APOD: variants seen among roughly 807,000 people sequenced by gnomAD.
APOD encodes the protein apo-D.
A neutral mutation model predicts 20.4 loss-of-function variants in APOD; 22 were observed. The ratio of observed to expected loss-of-function variants is 1.08; its 90% confidence interval spans 0.77 to 1.54. APOD has a LOEUF of 1.54. Among genes scored for constraint, APOD ranks in the 40% most tolerant of loss-of-function variants. The pLI is 0.00. For missense variants in APOD, 223 were observed against 229.6 expected (o/e 0.97, Z 0.19); for synonymous variants, 97 against 92.4 (o/e 1.05, Z -0.29).
intron 1 of APOD, among the ~76,000 whole-genome samples, chr3:195,580,017 T>C (rs756246738): frequency 1.3e-5 from 2 of 152,164 alleles, no homozygotes; most frequent in Non-Finnish European, 2.9e-5. Context: ...GCCCTCGTCT[T>C]GCTGGCTGTT....
rs191080620 is a variant in APOD at position 195,579,329 on chromosome 3, C to T, written c.123+10G>A. ...GAGGCAGCAAAACAAACGGGAGGTT[C>T]GCCTTTTACCTTATTCACGTCAAAA... On this transcript the variant is annotated intron_variant, in intron 2 of 4. Coordinates refer to ENST00000343267, the MANE Select transcript of APOD (RefSeq NM_001647.4). 3.1e-6 allele frequency: 5 copies of T among 1,613,938 alleles called. No individual in the cohort carries two copies. In the African/African-American group the frequency reaches 5.3e-5, roughly 17 times the overall value.
At chr3:195,572,973 C>T (rs535269180) in intron 3 of APOD, among the ~76,000 whole-genome samples, 2 of 152,174 alleles carry the variant, frequency 1.3e-5, no homozygotes, top group South Asian at 2.1e-4. Flanking sequence ...TCTGATGTTC[C>T]CAAGTACTTT....
At chr3:195,574,800 C>A (rs1348932932) in intron 2 of APOD, among the ~76,000 whole-genome samples, 1 of 152,140 alleles carries the variant, frequency 6.6e-6, no homozygotes, top group African/African-American at 2.4e-5. Flanking sequence ...TAAACGATGG[C>A]ATATCCAGAC....
chr3:195,579,596 T>C (rs1471464031), intron 1 of APOD, 101 bp from the exon 2 acceptor site: 1 of 1,251,058 alleles, frequency 8.0e-7, no homozygotes, highest in Non-Finnish European at 1.1e-6. Context: ...CTGTGGGCGG[T>C]CCCTCCTCTT....
Position 195,579,323 on chromosome 3 carries a change from G to A in APOD, c.123+16C>T, listed in dbSNP as rs1277542732. 1 of 1,613,956 alleles carries A rather than the reference G, an allele frequency of 6.2e-7. No homozygotes were observed. The highest frequency in any genetic ancestry group is 1.1e-5 in the South Asian group (1 of 91,062). ...ACAGCGGAGGCAGCAAAACAAACGGGAGGTTCGCCTTTTACCTTATTCACG... is the reference window on the plus strand; with the variant it reads ...ACAGCGGAGGCAGCAAAACAAACGGAAGGTTCGCCTTTTACCTTATTCACG... On this transcript the variant is annotated intron_variant, in intron 2 of 4. Transcript: ENST00000343267.
chr3:195,582,382 C>G (rs1162229556), intron 1 of APOD, among the ~76,000 whole-genome samples: 1 of 152,192 alleles, frequency 6.6e-6, no homozygotes, highest in African/African-American at 2.4e-5. Context: ...GCATCTTCTT[C>G]TGATATCAAT....
intron 4 of APOD, among the ~76,000 whole-genome samples, chr3:195,569,862 C>T (rs921640477): frequency 7.4e-6 from 1 of 134,968 alleles, no homozygotes; most frequent in African/African-American, 2.9e-5. Context: ...TGCAATGGCG[C>T]GATCTCAGCT....
At chr3:195,573,413 A>G (rs1464504) in intron 3 of APOD, among the ~76,000 whole-genome samples, 107,086 of 152,102 alleles carry the variant, frequency 0.7, 38,084 homozygotes, top group African/African-American at 0.73. Context: ...TTCTTGCTTA[A>G]TAAGAAAAGG....
At position 195,571,375 on chromosome 3, in the gene APOD, G is replaced by C; in HGVS notation, c.246-10C>G. 6.4e-7 allele frequency: 1 copy of C among 1,553,094 alleles called. No homozygotes were observed. Among genetic ancestry groups the C allele is most frequent in the South Asian group, 1.2e-5 (1 of 86,272 alleles). On this transcript the variant is annotated splice_polypyrimidine_tract_variant and intron_variant, in intron 3 of 4. Coordinates refer to ENST00000343267, the MANE Select transcript of APOD (RefSeq NM_001647.4). ...CACAGTTCCATCAGCTCTGCAGTGA[G>C]TTAAAAAAAGAAAAAATACAAAAAA...
intron 4 of APOD, among the ~76,000 whole-genome samples, chr3:195,569,839 G>T (rs184249452): frequency 2.7e-5 from 3 of 111,842 alleles, no homozygotes; most frequent in Admixed American, 2.7e-4. Flanking sequence ...CACTCTTGTC[G>T]CCCAGGCTGG....
At chr3:195,577,852 G>T (rs1271487452) in intron 2 of APOD, among the ~76,000 whole-genome samples, 1 of 152,190 alleles carries the variant, frequency 6.6e-6, no homozygotes, top group Non-Finnish European at 1.5e-5. Context: ...TGCAGAATAG[G>T]CAAATTCGGA....
rs146246326 is a variant in APOD at position 195,571,307 on chromosome 3, G to C, written c.304C>G (p.Pro102Ala). The C allele has an allele frequency of 2.8e-4, 452 of 1,614,100 alleles. 3 individuals are homozygous for C. The highest frequency in any genetic ancestry group is 2.5e-3 in the Middle Eastern group (15 of 6,058). The change falls in exon 4 of 5, where the codon CCT (proline) becomes GCT (alanine). Residue 102 changes from proline to alanine, a missense_variant. By Grantham distance (27) the Pro-to-Ala change is conservative. Transcript: ENST00000343267. Reference protein sequence around the residue: ...GEATPVNLTEPAKLEVKFSWF... With the variant: ...GEATPVNLTEAAKLEVKFSWF... ...GAAAACTTAACTTCCAGCTTGGCAGGCTCTGTGAGGTTAACTGGGGTGGCT... is the reference window on the plus strand; with the variant it reads ...GAAAACTTAACTTCCAGCTTGGCAGCCTCTGTGAGGTTAACTGGGGTGGCT...
At chr3:195,572,857 A>G (rs1720189078) in intron 3 of APOD, among the ~76,000 whole-genome samples, 1 of 151,694 alleles carries the variant, frequency 6.6e-6, no homozygotes, top group African/African-American at 2.4e-5. Context: ...CTAAAATACA[A>G]TTAAAAAAAA....
At position 195,574,949 on chromosome 3, in the gene APOD, T is replaced by A. The variant is rs368798714; in HGVS notation, c.124-978A>T. 4.6e-5 allele frequency among the ~76,000 whole-genome samples: 7 copies of A among 152,320 alleles called. No homozygotes were observed. In the East Asian group the frequency reaches 9.6e-4, roughly 21 times the overall value. ...ATGGAGAAAATGTTTATTACGTTGG[T>A]TTTCTGTTGCTGCTATAATAAATTA... On this transcript the variant is annotated intron_variant, in intron 2 of 4. Transcript: ENST00000343267.
At chr3:195,579,221 A>C in intron 2 of APOD, 118 bp downstream of exon 2, 1 of 1,480,668 alleles carries the variant, frequency 6.8e-7, no homozygotes, top group Non-Finnish European at 9.1e-7. Flanking sequence ...ACCCCAAATA[A>C]GATAAATACT....
chr3:195,579,398 C>T lies in APOD; in HGVS notation c.64G>A (p.Ala22Thr), dbSNP rs150194441. 5 of 1,614,068 alleles carry T rather than the reference C, an allele frequency of 3.1e-6. No homozygotes were observed. The African/African-American group carries it at 6.7e-5, about 22-fold the overall frequency. ...TTGGGGCACTTCCCAAGATGAAATGCTTGTCCCTCTGCCGCACCGAAGAGG... is the reference window on the plus strand; with the variant it reads ...TTGGGGCACTTCCCAAGATGAAATGTTTGTCCCTCTGCCGCACCGAAGAGG... ...AGLFGAAEGQ[A>T]FHLGKCPNPP... The change falls in exon 2 of 5, where the codon GCA becomes ACA. Residue 22 changes from alanine (A) to threonine (T), a missense_variant. By Grantham distance (58) the Ala-to-Thr change is moderately conservative. Transcript: ENST00000343267.
In APOD at chr3:195,569,097, A is replaced by C; in HGVS notation, c.373T>G (p.Tyr125Asp). 1 of 1,614,200 alleles carries C rather than the reference A, an allele frequency of 6.2e-7. No homozygotes were observed. The highest frequency in any genetic ancestry group is 1.7e-5 in the Admixed American group (1 of 60,030). Residue 125 changes from tyrosine to aspartate, a missense_variant, in exon 5 of 5, where the codon TAT becomes GAT. Coordinates refer to ENST00000343267, the MANE Select transcript of APOD (RefSeq NM_001647.4). ...SAPYWILATD[Y>D]ENYALVYSCT... ...GAATACACGAGGGCATAGTTCTCAT[A>C]GTCGGTGGCCAGGATCCAGTACGGT...
In APOD at chr3:195,568,770, G is replaced by C. The variant is rs778372877; in HGVS notation, c.*130C>G. ...ATTTTGCAGCTAGCAAGGTAACAGG[G>C]TAGGGCATGGTTACATGTTCAGGTC... On this transcript the variant is annotated 3_prime_UTR_variant, in exon 5 of 5. Coordinates refer to ENST00000343267, the MANE Select transcript of APOD (RefSeq NM_001647.4). 6 of 692,848 alleles carry C rather than the reference G, an allele frequency of 8.7e-6. No homozygotes were observed. Among genetic ancestry groups the C allele is most frequent in the African/African-American group, 3.7e-5 (2 of 54,610 alleles). The allele number at this position is 692,848 out of a possible 1,614,324, so 42.9% of individuals were successfully genotyped here. A position where few individuals can be genotyped will look rare whatever the true frequency, so the allele number is the denominator to read the frequency against.
chr3:195,578,888 C>T (rs1268363630), intron 2 of APOD, among the ~76,000 whole-genome samples: 3 of 152,204 alleles, frequency 2.0e-5, no homozygotes, highest in Admixed American at 6.5e-5. Flanking sequence ...ACCGCAGCCA[C>T]GGTAGGCAAT....
Sources: gnomAD v4.1 joint callset for allele counts (sites outside exome capture counted in the v4.1 genomes callset) on GRCh38, gnomAD v4.1.1 for gene constraint, MANE v1.5 for transcripts, NCBI Gene and HGNC (gene_info 2026-07-23, HGNC 2026-07-21) for gene names.